PRCD: variants seen among roughly 807,000 people sequenced by gnomAD.
The protein encoded by PRCD is photoreceptor disk component PRCD.
In PRCD, 12 loss-of-function variants were observed where a neutral mutation model predicts 10.1. The ratio of observed to expected loss-of-function variants is 1.18; its 90% confidence interval spans 0.76 to 1.92. The LOEUF (loss-of-function observed/expected upper bound fraction) is 1.92, where lower values mean the gene tolerates loss of function less well. Among genes scored for constraint, PRCD ranks in the 40% most tolerant of loss-of-function variants. PRCD has a pLI of 0.00. For synonymous variants in PRCD, 31 were observed against 26.2 expected (o/e 1.18, Z -0.56); for missense variants, 61 against 72.2 (o/e 0.84, Z 0.56).
intron 1 of PRCD, chr17:76,529,220 A>G (rs1244889611): frequency 2.2e-5 from 22 of 985,276 alleles, no homozygotes; most frequent in Non-Finnish European, 2.7e-5. Context: ...CCCTGGCAGC[A>G]GGGAGGCTCT....
downstream of PRCD, among the ~76,000 whole-genome samples, chr17:76,548,237 C>G (rs1176473372): frequency 6.6e-6 from 1 of 152,058 alleles, no homozygotes. Flanking sequence ...ACATAGCATA[C>G]ACATACACAC....
In PRCD at chr17:76,545,061, G is replaced by C. The variant is rs773610638; in HGVS notation, c.*1411G>C. On this transcript the variant is annotated 3_prime_UTR_variant, in exon 5 of 5. Transcript: ENST00000592014. Reference sequence around the variant, plus strand: ...GCTGGGGTGCCATGTGGGCCGGGTGGGGGGGCTGTCTCCCCCAGGGAGCAG... The same window carrying C: ...GCTGGGGTGCCATGTGGGCCGGGTGCGGGGGCTGTCTCCCCCAGGGAGCAG... 2 of 451,624 alleles carry C rather than the reference G, an allele frequency of 4.4e-6. No homozygotes were observed. The highest frequency in any genetic ancestry group is 7.0e-5 in the East Asian group (1 of 14,290). 28.0% of individuals were successfully genotyped at this position (451,624 alleles called of 1,614,324 possible). A position where few individuals can be genotyped will look rare whatever the true frequency, so the allele number is the denominator to read the frequency against.
In PRCD at chr17:76,530,671, G is replaced by A. The variant is rs2074826050; in HGVS notation, n.45+2838G>A. ...GACCTTACCGCCAGGAGCCTCTGGC[G>A]CCTCTCTGCCTGGGCAGCTGTGGCT... is the stretch of plus-strand genomic sequence containing the variant. On this transcript the variant is annotated intron_variant and non_coding_transcript_variant, in intron 1 of 4. Coordinates refer to the PRCD transcript ENST00000397633. The surrounding 1 kb of genome is among the most constrained non-coding windows in gnomAD (Gnocchi z 6.1). Among the ~76,000 whole-genome samples the A allele has an allele frequency of 1.3e-5, 2 of 152,172 alleles. No individual in the cohort carries two copies. The highest frequency in any genetic ancestry group is 2.1e-4 in the South Asian group (1 of 4,834).
In PRCD at chr17:76,531,329, A is replaced by G. The variant is rs988614421; in HGVS notation, n.45+3496A>G. The G allele has an allele frequency of 7.1e-6, 9 of 1,269,034 alleles. No homozygotes were observed. The highest frequency in any genetic ancestry group is 8.7e-6 in the Non-Finnish European group (8 of 918,176). The allele number at this position is 1,269,034 out of a possible 1,614,324, so 78.6% of individuals were successfully genotyped here. ...CAGCCCCTCCATCCTGCTGCCGGGC[A>G]CTGCCCCTCCCTCTCGCAGCCACTC... On this transcript the variant is annotated intron_variant and non_coding_transcript_variant, in intron 1 of 4. Coordinates refer to the PRCD transcript ENST00000397633. This position sits in a 1 kb window ranked among gnomAD's most constrained non-coding sequence, Gnocchi z 7.4.
intron 2 of PRCD, 122 bp from the exon 3 acceptor site, chr17:76,542,431 G>T (rs1005244079): frequency 8.8e-7 from 1 of 1,132,012 alleles, no homozygotes; most frequent in African/African-American, 1.5e-5. Flanking sequence ...TGATTCCTTA[G>T]GTGGTCCTGC....
rs1478154453 is a variant in PRCD at position 76,544,699 on chromosome 17, G to A, written c.*1049G>A. 6.6e-6 allele frequency: 3 copies of A among 456,664 alleles called. No individual in the cohort carries two copies. The highest frequency in any genetic ancestry group is 2.0e-5 in the African/African-American group (1 of 50,096). 28.3% of individuals were successfully genotyped at this position (456,664 alleles called of 1,614,324 possible). A position where few individuals can be genotyped will look rare whatever the true frequency, so the allele number is the denominator to read the frequency against. ...CAGGCCTGTCAGGCTGAGGGCCAGA[G>A]GGCACTGTTCCCGGGACCCAGTCTG... On this transcript the variant is annotated 3_prime_UTR_variant, in exon 5 of 5. Transcript: ENST00000592014.
upstream of PRCD, among the ~76,000 whole-genome samples, chr17:76,535,848 G>A (rs114196067): frequency 4.1e-3 from 630 of 152,314 alleles, 4 homozygotes; most frequent in African/African-American, 0.015. Context: ...CCACGTATCC[G>A]CACAGGTACC....
chr17:76,549,355 C>T (rs1175488310), downstream of PRCD, among the ~76,000 whole-genome samples: 4 of 152,210 alleles, frequency 2.6e-5, no homozygotes, highest in East Asian at 1.9e-4. Flanking sequence ...CGGCTGGGCG[C>T]GGTGGCTCAC....
intron 1 of PRCD, chr17:76,529,041 T>TGGGGGGGGGGGGGGGGG: frequency 1.3e-5 from 11 of 834,178 alleles, no homozygotes; most frequent in Admixed American, 2.0e-4. Context: ...CTGCAGTCAT[T>TGGGGGGGGGGGGGGGGG]GCGCCCCCCC....
At chr17:76,536,982 T>A (rs1281687122), upstream of PRCD, among the ~76,000 whole-genome samples, 1 of 152,228 alleles carries the variant, frequency 6.6e-6, no homozygotes, top group African/African-American at 2.4e-5. Flanking sequence ...GACAGGGTTC[T>A]GCTCCTCTTT....
Position 76,540,823 on chromosome 17 carries a change from C to T in PRCD, c.143+250C>T, listed in dbSNP as rs1031434855. ...TGTGCCTCTCATCTCCAGCACGGGG[C>T]GGTCCCCCGGGGCACCTTCTGTCAG... On this transcript the variant is annotated intron_variant, in intron 2 of 4. Transcript: ENST00000592014. The surrounding 1 kb of genome is among the most constrained non-coding windows in gnomAD (Gnocchi z 5.0). 6.6e-6 allele frequency among the ~76,000 whole-genome samples: 1 copy of T among 152,228 alleles called. No homozygotes were observed. Among genetic ancestry groups the T allele is most frequent in the Non-Finnish European group, 1.5e-5 (1 of 68,044 alleles).
rs1474400008 is a variant in PRCD, at chr17:76,530,139, C to T, written n.45+2306C>T. 6 of 970,808 alleles carry T rather than the reference C, an allele frequency of 6.2e-6. No individual in the cohort carries two copies. The highest frequency in any genetic ancestry group is 1.8e-5 in the African/African-American group (1 of 56,784). 60.1% of individuals were successfully genotyped at this position (970,808 alleles called of 1,614,324 possible). A position where few individuals can be genotyped will look rare whatever the true frequency, so the allele number is the denominator to read the frequency against. On this transcript the variant is annotated intron_variant and non_coding_transcript_variant, in intron 1 of 4. Coordinates refer to the PRCD transcript ENST00000397633. This position sits in a 1 kb window ranked among gnomAD's most constrained non-coding sequence, Gnocchi z 6.1. ...CTACCACGGGAATGTTTCTCTACCA[C>T]GCGTGTCCCGGGCTGCTGGCTGACC...
At chr17:76,552,919 ATGTATATG>A (rs1236912920) in intron 1 of PRCD, 3 of 143,852 alleles carry the variant, frequency 2.1e-5, no homozygotes, top group African/African-American at 7.9e-5. Context: ...TATATAAAAC[ATGTATATG>A]TGTATATATA....
Position 76,544,116 on chromosome 17 carries a change from C to A in PRCD, c.*466C>A. On this transcript the variant is annotated 3_prime_UTR_variant, in exon 5 of 5. Coordinates refer to ENST00000592014, the MANE Select transcript of PRCD (RefSeq NM_001077620.3). ...CTGAGCAGAGATAAAAGCAGATTTCCGCTTCTGCTCCCAGATCCAGGAGCA... is the reference window on the plus strand; with the variant it reads ...CTGAGCAGAGATAAAAGCAGATTTCAGCTTCTGCTCCCAGATCCAGGAGCA... 1 of 454,538 alleles carries A rather than the reference C, an allele frequency of 2.2e-6. No individual in the cohort carries two copies. Among genetic ancestry groups the A allele is most frequent in the Non-Finnish European group, 4.4e-6 (1 of 226,932 alleles). 28.2% of individuals were successfully genotyped at this position (454,538 alleles called of 1,614,324 possible). A position where few individuals can be genotyped will look rare whatever the true frequency, so the allele number is the denominator to read the frequency against.
At chr17:76,550,412 C>A (rs1341584149) in intron 1 of PRCD, 1 of 151,744 alleles carries the variant, frequency 6.6e-6, no homozygotes, top group Non-Finnish European at 1.5e-5. Context: ...AGATGCCCAC[C>A]ACCACGCCCA....
Position 76,544,127 on chromosome 17 carries a change from C to T in PRCD, c.*477C>T, listed in dbSNP as rs965177016. 1.4e-4 allele frequency: 64 copies of T among 454,620 alleles called. No individual in the cohort carries two copies. Among genetic ancestry groups the T allele is most frequent in the African/African-American group, 1.3e-3 (64 of 50,120 alleles). The allele number at this position is 454,620 out of a possible 1,614,324, so 28.2% of individuals were successfully genotyped here. Reference sequence around the variant, plus strand: ...TAAAAGCAGATTTCCGCTTCTGCTCCCAGATCCAGGAGCAGACCCTGCAGG... The same window carrying T: ...TAAAAGCAGATTTCCGCTTCTGCTCTCAGATCCAGGAGCAGACCCTGCAGG... On this transcript the variant is annotated 3_prime_UTR_variant, in exon 5 of 5. Transcript: ENST00000592014.
At position 76,540,381 on chromosome 17, in the gene PRCD, T is replaced by A. The variant is rs190352626; in HGVS notation, c.75-124T>A. Reference sequence around the variant, plus strand: ...AGCACAGTCTCAGAGCAGGGGGACTTAGAGCTTCAAAGGCTCTAGTTGCAG... The same window carrying A: ...AGCACAGTCTCAGAGCAGGGGGACTAAGAGCTTCAAAGGCTCTAGTTGCAG... On this transcript the variant is annotated intron_variant, in intron 1 of 4. Coordinates refer to ENST00000592014, the MANE Select transcript of PRCD (RefSeq NM_001077620.3). The surrounding 1 kb of genome is among the most constrained non-coding windows in gnomAD (Gnocchi z 5.0). 175 of 1,317,426 alleles carry A rather than the reference T, an allele frequency of 1.3e-4. 1 individual carries two copies. In the African/African-American group the frequency reaches 2.4e-3, roughly 18 times the overall value. 81.6% of individuals were successfully genotyped at this position (1,317,426 alleles called of 1,614,324 possible). A position where few individuals can be genotyped will look rare whatever the true frequency, so the allele number is the denominator to read the frequency against.
intron 3 of PRCD, 74 bp from the exon 4 acceptor site, chr17:76,542,955 A>C (rs1383805430): frequency 3.9e-6 from 2 of 517,982 alleles, no homozygotes; most frequent in Non-Finnish European, 7.8e-6. Context: ...GTGCTCGGAA[A>C]CATCCACTCT....
At position 76,545,005 on chromosome 17, in the gene PRCD, T is replaced by TGGCTGC. The variant is rs1236355675; in HGVS notation, c.*1356_*1361dup. The TGGCTGC allele has an allele frequency of 2.3e-6, 1 of 443,224 alleles. No homozygotes were observed. The highest frequency in any genetic ancestry group is 4.5e-6 in the Non-Finnish European group (1 of 222,408). 27.5% of individuals were successfully genotyped at this position (443,224 alleles called of 1,614,324 possible). On this transcript the variant is annotated 3_prime_UTR_variant, in exon 5 of 5. Transcript: ENST00000592014. Reference sequence around the variant, plus strand: ...GGGCTGCTGGCGGCCAGCGGGGCTGTGGCTGCCTGGGCTTGGAGGTTGCCT... The same window carrying TGGCTGC: ...GGGCTGCTGGCGGCCAGCGGGGCTGTGGCTGCGGCTGCCTGGGCTTGGAGGTTGCCT...
Sources: gnomAD v4.1 joint callset for allele counts (sites outside exome capture counted in the v4.1 genomes callset) on GRCh38, gnomAD v4.1.1 for gene constraint, Gnocchi (gnomAD v3.1) non-coding constraint, MANE v1.5 for transcripts, NCBI Gene and HGNC (gene_info 2026-07-23, HGNC 2026-07-21) for gene names.